Variants in EPB41L4B observed in about 807,000 individuals in gnomAD.
The protein encoded by EPB41L4B is band 4.1-like protein 4B.
In EPB41L4B, 30 loss-of-function variants were observed where a neutral mutation model predicts 112.5. The ratio of observed to expected loss-of-function variants is 0.27; its 90% CI spans 0.20 to 0.36. The LOEUF is 0.36. Ranked by LOEUF, EPB41L4B falls within the 10% of genes least tolerant of loss-of-function variation. The pLI is 1.00. For missense variants in EPB41L4B, 1,024 were observed against 1,133.3 expected, an observed-to-expected ratio of 0.90 and a Z score of 1.38; for synonymous variants, 408 against 439.7, an observed-to-expected ratio of 0.93 and a Z score of 0.90.
intron 24 of EPB41L4B, among the ~76,000 whole-genome samples, chr9:109,180,452 G>C (rs1564247217): frequency 6.6e-6 from 1 of 152,228 alleles, no homozygotes; most frequent in East Asian, 1.9e-4. Context: ...CAGGACGAGT[G>C]TCAGGGAAAG....
chr9:109,262,450 G>GGTGTGT (rs372444663), intron 6 of EPB41L4B, among the ~76,000 whole-genome samples: 3 of 10,116 alleles, frequency 3.0e-4, no homozygotes, highest in Non-Finnish European at 7.4e-4. Context: ...GGTGTGTGTG[G>GGTGTGT]GGGTGTGTGT....
At chr9:109,202,219 A>G (rs1832857402) in intron 19 of EPB41L4B, among the ~76,000 whole-genome samples, 1 of 152,164 alleles carries the variant, frequency 6.6e-6, no homozygotes, top group African/African-American at 2.4e-5. Context: ...GAAGAGATGA[A>G]TTAAGTTTTT....
At chr9:109,174,952 TG>T (rs1284319431) in intron 25 of EPB41L4B, among the ~76,000 whole-genome samples, 1 of 140,002 alleles carries the variant, frequency 7.1e-6, no homozygotes, top group Non-Finnish European at 1.5e-5. Flanking sequence ...AGTCTCACTC[TG>T]TCACCCAGGC....
Position 109,320,587 on chromosome 9 carries a change from G to A in EPB41L4B, c.-141C>T. The A allele has an allele frequency of 3.4e-6, 1 of 296,880 alleles. No homozygotes were observed. The highest frequency in any genetic ancestry group is 1.8e-3 in the Middle Eastern group (1 of 544). 18.4% of individuals were successfully genotyped at this position (296,880 alleles called of 1,614,324 possible). A position where few individuals can be genotyped will look rare whatever the true frequency, so the allele number is the denominator to read the frequency against. On this transcript the variant is annotated 5_prime_UTR_variant, in exon 1 of 26. Coordinates refer to ENST00000374566, the MANE Select transcript of EPB41L4B (RefSeq NM_019114.5). ...GCCGCCTCTCGCGGGCTACGGCCCGGGGCAAGCCCGCGCCGAGGCCGAGGC... is the reference window on the plus strand; with the variant it reads ...GCCGCCTCTCGCGGGCTACGGCCCGAGGCAAGCCCGCGCCGAGGCCGAGGC...
intron 11 of EPB41L4B, 21 bp from the exon 12 acceptor site, chr9:109,253,571 C>G (rs778343187): frequency 2.7e-6 from 4 of 1,477,608 alleles, no homozygotes; most frequent in Non-Finnish European, 3.8e-6. Flanking sequence ...AATATTTTCT[C>G]GTGTGTTATC....
At chr9:109,276,392 G>A (rs1835828882) in intron 2 of EPB41L4B, among the ~76,000 whole-genome samples, 1 of 152,116 alleles carries the variant, frequency 6.6e-6, no homozygotes. Flanking sequence ...AACAGCATAA[G>A]CAAAGGCACA....
chr9:109,320,109 T>C (rs1800281181), intron 1 of EPB41L4B, 32 bp downstream of exon 1: 1 of 1,398,708 alleles, frequency 7.1e-7, no homozygotes, highest in Non-Finnish European at 9.3e-7. Flanking sequence ...GGGCGCGAGG[T>C]GCCAGTGCCC....
intron 19 of EPB41L4B, among the ~76,000 whole-genome samples, chr9:109,200,545 G>T (rs1405767899): frequency 6.6e-6 from 1 of 151,934 alleles, no homozygotes; most frequent in East Asian, 1.9e-4. Context: ...AAAATCATAG[G>T]GAAGAAAATA....
intron 1 of EPB41L4B, among the ~76,000 whole-genome samples, chr9:109,319,098 G>A (rs1837742375): frequency 1.3e-5 from 2 of 152,228 alleles, no homozygotes; most frequent in South Asian, 4.1e-4. Flanking sequence ...TTACCGCTGT[G>A]TCCTCAGTCA....
At chr9:109,310,930 G>A (rs1564337918) in intron 1 of EPB41L4B, among the ~76,000 whole-genome samples, 4 of 152,320 alleles carry the variant, frequency 2.6e-5, no homozygotes, top group Non-Finnish European at 4.4e-5. Flanking sequence ...AGTGAAATAC[G>A]CCAGCACAAA....
chr9:109,224,806 G>A (rs1419489367), intron 15 of EPB41L4B, among the ~76,000 whole-genome samples: 3 of 152,206 alleles, frequency 2.0e-5, no homozygotes, highest in African/African-American at 7.2e-5. Flanking sequence ...GGCCAGGGCT[G>A]AGAACCATTG....
chr9:109,246,664 CAG>C (rs1184663002), intron 14 of EPB41L4B, among the ~76,000 whole-genome samples: 1 of 152,126 alleles, frequency 6.6e-6, no homozygotes, highest in Non-Finnish European at 1.5e-5. Flanking sequence ...TGTGAATGGC[CAG>C]AGAGAGAGCC....
intron 15 of EPB41L4B, among the ~76,000 whole-genome samples, chr9:109,222,255 C>T (rs1209064399): frequency 6.6e-6 from 1 of 152,136 alleles, no homozygotes; most frequent in Non-Finnish European, 1.5e-5. Flanking sequence ...GTCAGAGAAG[C>T]TGCCTGAAGC....
chr9:109,261,247 T>C (rs2900487), intron 6 of EPB41L4B, among the ~76,000 whole-genome samples: 78,221 of 151,664 alleles, frequency 0.52, 20,413 homozygotes, highest in East Asian at 0.68. Context: ...CAGATGGCTA[T>C]AGATGACATT....
At chr9:109,289,581 T>C (rs1564323122) in intron 1 of EPB41L4B, among the ~76,000 whole-genome samples, 1 of 152,230 alleles carries the variant, frequency 6.6e-6, no homozygotes, top group Non-Finnish European at 1.5e-5. Flanking sequence ...CTGATCTGCC[T>C]GGTCCAAATC....
intron 24 of EPB41L4B, among the ~76,000 whole-genome samples, chr9:109,177,852 T>C (rs969048689): frequency 1.1e-4 from 17 of 151,078 alleles, no homozygotes; most frequent in African/African-American, 2.4e-5. Context: ...AATGAAGAAA[T>C]TCCATAATTC....
rs144678869 is a variant in EPB41L4B, at chr9:109,190,514, C to T, written c.2301+1764G>A. 2.6e-5 allele frequency among the ~76,000 whole-genome samples: 4 copies of T among 152,362 alleles called. No homozygotes were observed. In the East Asian group the frequency reaches 7.7e-4, roughly 29 times the overall value. On this transcript the variant is annotated intron_variant, in intron 22 of 25. Coordinates refer to ENST00000374566, the MANE Select transcript of EPB41L4B (RefSeq NM_019114.5). ...TACCTGAGCACTTCCCTTCCTCATG[C>T]TCCACTCAGCAACTCTGAGGACCAA...
At chr9:109,178,761 C>T (rs926507092) in intron 24 of EPB41L4B, among the ~76,000 whole-genome samples, 3 of 151,424 alleles carry the variant, frequency 2.0e-5, no homozygotes. Context: ...ATTTTTTATT[C>T]TTTCTGAAAA....
In EPB41L4B at chr9:109,267,490, A is replaced by T. The variant is rs370770498; in HGVS notation, c.516T>A (p.Leu172=). Residue 172 remains leucine, a synonymous_variant, in exon 4 of 26, where the codon CTT becomes CTA. Transcript: ENST00000374566. ...TGGCCTACCTTGTAAACTCCTCACG[A>T]AGGTTGTTTGGTTCTGAAGAATAGT... ...VKYYSSEPNN[L]REEFTRYLFV... The T allele has an allele frequency of 3.5e-5, 56 of 1,613,438 alleles. No individual in the cohort carries two copies. The highest frequency in any genetic ancestry group is 4.1e-5 in the Non-Finnish European group (48 of 1,179,494).
Sources: gnomAD v4.1 joint callset for allele counts (sites outside exome capture counted in the v4.1 genomes callset) on GRCh38, gnomAD v4.1.1 for gene constraint, MANE v1.5 for transcripts, NCBI Gene and HGNC (gene_info 2026-07-23, HGNC 2026-07-21) for gene names.